The following DLGAP3 variants were observed in gnomAD, a reference collection of about 807,000 sequenced individuals.
DLGAP3 encodes the protein disks large-associated protein 3.
In DLGAP3, 17 loss-of-function variants were observed where a neutral mutation model predicts 81.2. That is an observed-to-expected ratio of 0.21 (90% CI 0.14 to 0.31). The LOEUF is 0.31. Among genes scored for constraint, DLGAP3 ranks in the 10% least tolerant of loss-of-function variants. The pLI is 1.00. For synonymous variants in DLGAP3, 577 were observed against 587.4 expected (o/e 0.98, Z 0.26); for missense variants, 1,124 against 1,388.0 (o/e 0.81, Z 3.02).
At chr1:34,921,986 C>T (rs901162692) in intron 1 of DLGAP3, among the ~76,000 whole-genome samples, 5 of 152,184 alleles carry the variant, frequency 3.3e-5, no homozygotes. Context: ...ATTGTCACAT[C>T]TTGTATGTAT....
At chr1:34,894,991 C>T (rs1228843996) in intron 5 of DLGAP3, among the ~76,000 whole-genome samples, 2 of 152,142 alleles carry the variant, frequency 1.3e-5, no homozygotes, top group Non-Finnish European at 2.9e-5. Flanking sequence ...TTTCATTATT[C>T]CATATTGTAT....
intron 1 of DLGAP3, among the ~76,000 whole-genome samples, chr1:34,914,666 A>G (rs1376537300): frequency 6.6e-6 from 1 of 152,204 alleles, no homozygotes; most frequent in Non-Finnish European, 1.5e-5. Context: ...GTGATGTTAC[A>G]AGGACTAAGA....
At chr1:34,896,504 G>T (rs1305004672) in intron 5 of DLGAP3, among the ~76,000 whole-genome samples, 2 of 151,942 alleles carry the variant, frequency 1.3e-5, no homozygotes, top group African/African-American at 2.4e-5. Flanking sequence ...CAGGAGAATC[G>T]CTTGAACCCG....
At position 34,886,413 on chromosome 1, in the gene DLGAP3, A is replaced by G. The variant is rs1213872537; in HGVS notation, c.1387-128T>C. ...GCTGTAGGCGACTCTTCCGCATTTG[A>G]ACTAAAAGAAACTCTAACTCTTTGC... On this transcript the variant is annotated intron_variant, in intron 5 of 11. Coordinates refer to ENST00000373347, the MANE Select transcript of DLGAP3 (RefSeq NM_001080418.3). 5.8e-6 allele frequency: 5 copies of G among 865,172 alleles called. No individual in the cohort carries two copies. In the East Asian group the frequency reaches 1.4e-4, roughly 23 times the overall value. 53.6% of individuals were successfully genotyped at this position (865,172 alleles called of 1,614,324 possible).
chr1:34,867,045 C>T lies in DLGAP3; in HGVS notation c.2721+3G>A. 1 of 1,614,086 alleles carries T rather than the reference C, an allele frequency of 6.2e-7. No individual in the cohort carries two copies. The highest frequency in any genetic ancestry group is 1.1e-5 in the South Asian group (1 of 91,084). ...TCTTTGCCTGAAGGCACCCCAGCCC[C>T]ACCTTAGGCTCCAGGAGTTTCCAGC... On this transcript the variant is annotated splice_donor_region_variant and intron_variant, in intron 11 of 11. Transcript: ENST00000373347. This position sits in a 1 kb window ranked among gnomAD's most constrained non-coding sequence, Gnocchi z 4.3.
At chr1:34,919,815 A>T (rs1260011540) in intron 1 of DLGAP3, among the ~76,000 whole-genome samples, 3 of 152,038 alleles carry the variant, frequency 2.0e-5, no homozygotes, top group African/African-American at 7.2e-5. Flanking sequence ...AAGTTGAGAC[A>T]CTCAGAGAAA....
intron 8 of DLGAP3, among the ~76,000 whole-genome samples, chr1:34,878,830 G>A (rs1488203749): frequency 6.6e-6 from 1 of 152,132 alleles, no homozygotes; most frequent in Non-Finnish European, 1.5e-5. Flanking sequence ...CAGCACTTTG[G>A]GAGGCCGAGG....
Position 34,867,222 on chromosome 1 carries a change from T to C in DLGAP3, c.2578-31A>G. ...ACAGAGGAAGATGGAGGGAAAGTGA[T>C]TGGTCAAGGAGGTCTGAGCCCCAGC... On this transcript the variant is annotated intron_variant, in intron 10 of 11. Transcript: ENST00000373347. The surrounding 1 kb of genome is among the most constrained non-coding windows in gnomAD (Gnocchi z 4.3). 6.2e-7 allele frequency: 1 copy of C among 1,613,580 alleles called. No homozygotes were observed. The highest frequency in any genetic ancestry group is 2.2e-5 in the East Asian group (1 of 44,860).
chr1:34,885,680 G>C lies in DLGAP3; in HGVS notation c.1712C>G (p.Ala571Gly), dbSNP rs780831077. 302 of 1,407,324 alleles carry C rather than the reference G, an allele frequency of 2.1e-4. No individual in the cohort carries two copies. Among genetic ancestry groups the C allele is most frequent in the Non-Finnish European group, 2.6e-4 (283 of 1,090,156 alleles). The allele number at this position is 1,407,324 out of a possible 1,614,324, so 87.2% of individuals were successfully genotyped here. The change falls in exon 7 of 12, where the codon GCG becomes GGG. Residue 571 changes from alanine to glycine, a missense_variant. Around this residue, in one of 9 missense-constraint regions of DLGAP3, gnomAD observed 379 missense variants for 455.7 expected, o/e 0.83. Transcript: ENST00000373347. The stretch of plus-strand genomic sequence containing the variant: ...GCAGCGCCGGGCGGGGCCCTCGGCC[G>C]CCGTGAAGCTCTCGTGCGCGGAGTC... Reference protein sequence around the residue: ...STDSAHESFTAAEGPARRCSS... With the variant: ...STDSAHESFTGAEGPARRCSS...
chr1:34,885,384 A>T, intron 7 of DLGAP3, 94 bp downstream of exon 7: 2 of 1,368,550 alleles, frequency 1.5e-6, no homozygotes, highest in Non-Finnish European at 2.0e-6. Flanking sequence ...AGCCAGAAAG[A>T]ATGTCGATAT....
Position 34,885,349 on chromosome 1 carries a change from CG to C in DLGAP3, c.1914+128del. 5 of 1,058,086 alleles carry C rather than the reference CG, an allele frequency of 4.7e-6. No homozygotes were observed. In the South Asian group the frequency reaches 7.0e-5, roughly 15 times the overall value. The allele number at this position is 1,058,086 out of a possible 1,614,324, so 65.5% of individuals were successfully genotyped here. A position where few individuals can be genotyped will look rare whatever the true frequency, so the allele number is the denominator to read the frequency against. ...GAGCAGCCCCGTCGATGTCCAGGCA[CG>C]GGGTTCACTTGCAGCTCAGGGCAAG... On this transcript the variant is annotated intron_variant, in intron 7 of 11. Coordinates refer to ENST00000373347, the MANE Select transcript of DLGAP3 (RefSeq NM_001080418.3).
intron 1 of DLGAP3, among the ~76,000 whole-genome samples, chr1:34,926,401 T>A (rs1639872742): frequency 6.6e-6 from 1 of 151,888 alleles, no homozygotes; most frequent in South Asian, 2.1e-4. Flanking sequence ...AAACCCAGAC[T>A]CCCCAGACGG....
At position 34,865,728 on chromosome 1, in the gene DLGAP3, G is replaced by A. The variant is rs966011057; in HGVS notation, c.*355C>T. On this transcript the variant is annotated 3_prime_UTR_variant, in exon 12 of 12. Transcript: ENST00000373347. ...AGCCCAGCCCCGCGGGGTGGGGGAG[G>A]GGGGGACGCAGAGCCCAGATGAGGG... The A allele has an allele frequency of 5.8e-6, 2 of 342,962 alleles. No homozygotes were observed. The highest frequency in any genetic ancestry group is 4.9e-5 in the Admixed American group (1 of 20,372). The allele number at this position is 342,962 out of a possible 1,614,324, so 21.2% of individuals were successfully genotyped here.
rs1387502889 is a variant in DLGAP3, at chr1:34,895,953, C to T, written c.1386+3716G>A. On this transcript the variant is annotated intron_variant, in intron 5 of 11. Transcript: ENST00000373347. This position sits in a 1 kb window ranked among gnomAD's most constrained non-coding sequence, Gnocchi z 4.5. ...ACACACACACACACACACACACACA[C>T]ACTACTCAAAGTGGGTCATACATCT... Among the ~76,000 whole-genome samples, 1 of 147,594 alleles carries T rather than the reference C, an allele frequency of 6.8e-6. No individual in the cohort carries two copies. Among genetic ancestry groups the T allele is most frequent in the Non-Finnish European group, 1.5e-5 (1 of 66,508 alleles).
At chr1:34,894,668 A>G (rs1245692972) in intron 5 of DLGAP3, among the ~76,000 whole-genome samples, 1 of 152,202 alleles carries the variant, frequency 6.6e-6, no homozygotes, top group Admixed American at 6.5e-5. Context: ...GGTAAAATAT[A>G]TTTTTTGTTA....
Position 34,904,501 on chromosome 1 carries a change from A to T in DLGAP3, c.883T>A (p.Ser295Thr). The T allele has an allele frequency of 6.2e-7, 1 of 1,614,096 alleles. No individual in the cohort carries two copies. The highest frequency in any genetic ancestry group is 8.5e-7 in the Non-Finnish European group (1 of 1,180,010). Residue 295 changes from serine (S) to threonine (T), a missense_variant, in exon 3 of 12, where the codon TCC becomes ACC. By Grantham distance (58) the Ser-to-Thr change is moderately conservative. Around this residue, in one of 9 missense-constraint regions of DLGAP3, gnomAD observed 357 missense variants for 408.8 expected, o/e 0.87. Coordinates refer to ENST00000373347, the MANE Select transcript of DLGAP3 (RefSeq NM_001080418.3). The surrounding 1 kb of genome is among the most constrained non-coding windows in gnomAD (Gnocchi z 8.1). The part of the protein sequence containing the change: ...GPFCLEGPDG[S>T]YRDLSFKGRS... ...CCCTTGAAGCTCAAGTCCCGGTAGGACCCATCTGGACCCTCCAGGCAGAAG... is the reference window on the plus strand; with the variant it reads ...CCCTTGAAGCTCAAGTCCCGGTAGGTCCCATCTGGACCCTCCAGGCAGAAG...
intron 5 of DLGAP3, among the ~76,000 whole-genome samples, chr1:34,888,129 T>C (rs563622396): frequency 0.036 from 5,469 of 152,216 alleles, 111 homozygotes; most frequent in Middle Eastern, 0.085. Flanking sequence ...TTGTGACATC[T>C]CCCAGGAAAG....
Position 34,895,897 on chromosome 1 carries a change from C to T in DLGAP3, c.1386+3772G>A, listed in dbSNP as rs1478566430. ...CCGCATTCAAAAACATAAAGCTGGA[C>T]CCCTAACTTGAATCACACATACACA... is the stretch of plus-strand genomic sequence containing the variant. On this transcript the variant is annotated intron_variant, in intron 5 of 11. Coordinates refer to ENST00000373347, the MANE Select transcript of DLGAP3 (RefSeq NM_001080418.3). This position sits in a 1 kb window ranked among gnomAD's most constrained non-coding sequence, Gnocchi z 4.5. 6.7e-6 allele frequency among the ~76,000 whole-genome samples: 1 copy of T among 150,224 alleles called. No individual in the cohort carries two copies. Among genetic ancestry groups the T allele is most frequent in the Non-Finnish European group, 1.5e-5 (1 of 67,738 alleles).
intron 5 of DLGAP3, among the ~76,000 whole-genome samples, chr1:34,890,773 T>C (rs991845177): frequency 6.6e-6 from 1 of 152,226 alleles, no homozygotes; most frequent in Non-Finnish European, 1.5e-5. Flanking sequence ...ATTGCAACTT[T>C]GTGAGACACT....
Sources: allele counts gnomAD v4.1 joint callset (sites outside exome capture counted in the v4.1 genomes callset), GRCh38; gene constraint gnomAD v4.1.1; regional missense constraint gnomAD v4.1.1; non-coding constraint Gnocchi (gnomAD v3.1); transcripts MANE v1.5; gene names NCBI Gene and HGNC (gene_info 2026-07-23, HGNC 2026-07-21).